NCALD: variants seen among roughly 807,000 people sequenced by gnomAD.
NCALD encodes neurocalcin delta.
In NCALD, 10 loss-of-function variants were observed where a neutral mutation model predicts 18.6. The ratio of observed to expected loss-of-function variants is 0.54; its 90% CI spans 0.33 to 0.91. The LOEUF (loss-of-function observed/expected upper bound fraction) is 0.91. Ranked by LOEUF, NCALD falls within the 40% of genes least tolerant of loss-of-function variation. NCALD has a pLI of 0.03. For synonymous variants in NCALD, 88 were observed against 87.4 expected (o/e 1.01, Z -0.04); for missense variants, 184 against 247.6 (o/e 0.74, Z 1.72).
At chr8:101,804,513 T>C (rs1437156721) in intron 4 of NCALD, among the ~76,000 whole-genome samples, 1 of 123,890 alleles carries the variant, frequency 8.1e-6, no homozygotes, top group African/African-American at 3.6e-5. Context: ...AATTATATAA[T>C]ATATAACAAA....
upstream of NCALD, among the ~76,000 whole-genome samples, chr8:101,793,029 A>G (rs1812502333): frequency 6.6e-6 from 1 of 152,200 alleles, no homozygotes; most frequent in Admixed American, 6.5e-5. Context: ...CTTGGGCAGT[A>G]TTAAAATATT....
chr8:101,983,975 G>C (rs1820713827), intron 2 of NCALD, among the ~76,000 whole-genome samples: 1 of 152,152 alleles, frequency 6.6e-6, no homozygotes, highest in Non-Finnish European at 1.5e-5. Flanking sequence ...TAACCATGCT[G>C]ACACTTTTGT....
chr8:101,909,593 T>C (rs1390062376), intron 3 of NCALD, among the ~76,000 whole-genome samples: 1 of 152,196 alleles, frequency 6.6e-6, no homozygotes, highest in Non-Finnish European at 1.5e-5. Flanking sequence ...TCATTGAATT[T>C]TCATAACCAC....
In NCALD at chr8:102,015,063, A is replaced by G. The variant is rs114506293; in HGVS notation, c.-157+5174T>C. ...TGCTCCCGAGATGGCTAGGAAATCA[A>G]TAAGTTGTGGAATTAGAATGATGTA... On this transcript the variant is annotated intron_variant, in intron 2 of 6. Coordinates refer to the NCALD transcript ENST00000311028. Among the ~76,000 whole-genome samples the G allele has an allele frequency of 2.7e-4, 41 of 152,290 alleles. 1 individual carries two copies. Among genetic ancestry groups the G allele is most frequent in the African/African-American group, 7.7e-4 (32 of 41,568 alleles).
intron 1 of NCALD, among the ~76,000 whole-genome samples, chr8:102,041,516 G>A (rs1438461667): frequency 6.6e-6 from 1 of 152,204 alleles, no homozygotes; most frequent in Admixed American, 6.5e-5. Context: ...AAAACTCTGT[G>A]CAGACCTAAC....
chr8:102,043,673 GGAGGAGGAAGAC>G (rs953550141), intron 1 of NCALD, among the ~76,000 whole-genome samples: 10 of 150,044 alleles, frequency 6.7e-5, no homozygotes, highest in African/African-American at 2.5e-4. Flanking sequence ...AAGAAGAGAA[GGAGGAGGAAGAC>G]GAGGAGGAGG....
At chr8:101,692,583 A>G (rs1814779367) in intron 3 of NCALD, 2 of 985,218 alleles carry the variant, frequency 2.0e-6, no homozygotes, top group South Asian at 4.7e-5. Flanking sequence ...TACAAGGAGG[A>G]TAGAAAAAAC....
At chr8:102,114,260 G>A (rs991559946) in intron 1 of NCALD, among the ~76,000 whole-genome samples, 6 of 152,176 alleles carry the variant, frequency 3.9e-5, no homozygotes, top group Admixed American at 1.3e-4. Flanking sequence ...TCCCTACCAG[G>A]AGCTGGCCCA....
chr8:102,084,358 A>G (rs1425871312), intron 1 of NCALD, among the ~76,000 whole-genome samples: 1 of 152,226 alleles, frequency 6.6e-6, no homozygotes, highest in African/African-American at 2.4e-5. Flanking sequence ...AGGCAAAGTG[A>G]GAGACTGGGG....
At chr8:102,015,888 C>A (rs1318405043) in intron 2 of NCALD, among the ~76,000 whole-genome samples, 1 of 152,104 alleles carries the variant, frequency 6.6e-6, no homozygotes, top group Non-Finnish European at 1.5e-5. Flanking sequence ...GAGATGAGCC[C>A]CAGCTCTCTC....
chr8:101,916,123 T>C (rs986084663), intron 2 of NCALD, among the ~76,000 whole-genome samples: 6 of 152,122 alleles, frequency 3.9e-5, no homozygotes, highest in African/African-American at 1.4e-4. Context: ...GGTTAATATT[T>C]ATATCTCCTT....
chr8:102,119,137 T>G (rs147424901), intron 1 of NCALD, among the ~76,000 whole-genome samples: 1 of 152,256 alleles, frequency 6.6e-6, no homozygotes, highest in East Asian at 1.9e-4. Context: ...TTCACAGCAG[T>G]GTTTTCACAG....
intron 4 of NCALD, among the ~76,000 whole-genome samples, chr8:101,884,737 G>C (rs1166746942): frequency 6.6e-6 from 1 of 151,790 alleles, no homozygotes; most frequent in Non-Finnish European, 1.5e-5. Flanking sequence ...TTTATTAGCT[G>C]TTTTGGCATT....
chr8:101,948,214 G>C (rs533109849), intron 2 of NCALD, among the ~76,000 whole-genome samples: 1 of 152,240 alleles, frequency 6.6e-6, no homozygotes, highest in South Asian at 2.1e-4. Context: ...CCCTGGCCTG[G>C]ACTAAGGTAT....
At chr8:101,729,635 T>C (rs919153553) in intron 1 of NCALD, among the ~76,000 whole-genome samples, 8 of 152,174 alleles carry the variant, frequency 5.3e-5, no homozygotes, top group African/African-American at 1.7e-4. Flanking sequence ...CAAAAAAATC[T>C]GGTGAGCAAG....
At chr8:101,758,966 T>C (rs769275061) in intron 1 of NCALD, among the ~76,000 whole-genome samples, 1 of 152,152 alleles carries the variant, frequency 6.6e-6, no homozygotes, top group African/African-American at 2.4e-5. Context: ...AGTGGCCCAA[T>C]TGGATAATAA....
chr8:101,767,469 G>A (rs1811397869), intron 1 of NCALD, among the ~76,000 whole-genome samples: 1 of 152,130 alleles, frequency 6.6e-6, no homozygotes, highest in Non-Finnish European at 1.5e-5. Flanking sequence ...CCACATTCTG[G>A]GATAAGACGG....
At chr8:102,114,841 A>G (rs771425110) in intron 1 of NCALD, among the ~76,000 whole-genome samples, 2 of 152,242 alleles carry the variant, frequency 1.3e-5, no homozygotes, top group Non-Finnish European at 2.9e-5. Context: ...AACAGGAGAT[A>G]TCCAGGCCTC....
intron 2 of NCALD, among the ~76,000 whole-genome samples, chr8:101,938,075 G>C (rs974444315): frequency 2.6e-5 from 4 of 152,082 alleles, no homozygotes; most frequent in African/African-American, 9.7e-5. Context: ...TGTTCTTTAT[G>C]AGCCCCTACT....
Sources: allele counts gnomAD v4.1 joint callset (sites outside exome capture counted in the v4.1 genomes callset), GRCh38; gene constraint gnomAD v4.1.1; transcripts MANE v1.5; gene names NCBI Gene and HGNC (gene_info 2026-07-23, HGNC 2026-07-21).